The following FAM135A variants were observed in gnomAD, a reference collection of about 807,000 sequenced individuals.
FAM135A encodes the protein family with sequence similarity 135 member A.
Under a neutral mutation model 146.8 loss-of-function variants are expected in FAM135A, and 79 were observed. The ratio of observed to expected loss-of-function variants is 0.54; its 90% confidence interval spans 0.45 to 0.65. FAM135A has a LOEUF of 0.65. FAM135A is among the 30% of genes least tolerant of loss of function. The pLI, the probability that FAM135A is intolerant of heterozygous loss-of-function variation, is 0.00. For synonymous variants in FAM135A, 562 were observed against 603.6 expected, an observed-to-expected ratio of 0.93 and a Z score of 1.01; for missense variants, 1,623 against 1,758.2, an observed-to-expected ratio of 0.92 and a Z score of 1.38.
intron 19 of FAM135A, among the ~76,000 whole-genome samples, chr6:70,537,213 TG>T (rs1796956644): frequency 6.6e-6 from 1 of 152,070 alleles, no homozygotes. Context: ...GGATTACAGG[TG>T]TGAGCCACTG....
At chr6:70,443,142 A>C (rs536043532) in intron 4 of FAM135A, among the ~76,000 whole-genome samples, 1 of 152,216 alleles carries the variant, frequency 6.6e-6, no homozygotes, top group South Asian at 2.1e-4. Context: ...GGGTTGTGCC[A>C]TTTTTGATCT....
At chr6:70,487,083 CAAAAAAA>C (rs34560435) in intron 10 of FAM135A, among the ~76,000 whole-genome samples, 2 of 40,610 alleles carry the variant, frequency 4.9e-5, no homozygotes, top group South Asian at 2.9e-3. Context: ...ACTCCCATCT[CAAAAAAA>C]AAAAAAAAAA....
chr6:70,538,846 TTATATTA>T lies in FAM135A; in HGVS notation c.4228+449_4228+455del, dbSNP rs1159189439. 2.3e-4 allele frequency among the ~76,000 whole-genome samples: 33 copies of T among 145,302 alleles called. 1 individual carries two copies. The highest frequency in any genetic ancestry group is 8.5e-4 in the African/African-American group (33 of 38,712). ...TTATATTATATTATATTATATTATA[TTATATTA>T]TATTATATGGCTAGCAAGCATTTCT... On this transcript the variant is annotated intron_variant, in intron 20 of 21. Transcript: ENST00000418814.
In FAM135A at chr6:70,475,456, C is replaced by T. The variant is rs777773455; in HGVS notation, c.204C>T (p.Cys68=). ...CCTCAGTTCATGATTCTCTAATTTGCAGTAAAACATTTCAAATTTTGTACA... is the reference window on the plus strand; with the variant it reads ...CCTCAGTTCATGATTCTCTAATTTGTAGTAAAACATTTCAAATTTTGTACA... The part of the protein sequence containing the change: ...FPASVHDSLI[C]SKTFQILYKN... Residue 68 remains cysteine (C), a synonymous_variant, in exon 6 of 22, where the codon TGC becomes TGT. Coordinates refer to ENST00000418814, the MANE Select transcript of FAM135A (RefSeq NM_001162529.3). 6.2e-6 allele frequency: 10 copies of T among 1,604,416 alleles called. No individual in the cohort carries two copies. In the African/African-American group the frequency reaches 1.2e-4, roughly 19 times the overall value.
At chr6:70,449,619 T>G (rs960204330) in intron 4 of FAM135A, among the ~76,000 whole-genome samples, 1 of 150,734 alleles carries the variant, frequency 6.6e-6, no homozygotes, top group African/African-American at 2.5e-5. Flanking sequence ...TATTCTGTTG[T>G]ATATATATAT....
At chr6:70,505,090 A>G (rs894865694) in intron 12 of FAM135A, 1 of 141,776 alleles carries the variant, frequency 7.1e-6, no homozygotes, top group Non-Finnish European at 1.6e-5. Context: ...ATATATATAT[A>G]TGCATACATA....
At chr6:70,422,189 AC>A (rs1768998443) in intron 2 of FAM135A, among the ~76,000 whole-genome samples, 1 of 152,214 alleles carries the variant, frequency 6.6e-6, no homozygotes, top group Non-Finnish European at 1.5e-5. Context: ...AAGACTTCCA[AC>A]TACCTCTTGA....
intron 12 of FAM135A, among the ~76,000 whole-genome samples, chr6:70,505,700 AGTT>A: frequency 1.3e-5 from 2 of 151,944 alleles, no homozygotes; most frequent in Middle Eastern, 6.8e-3. Flanking sequence ...TCTAGTTTCT[AGTT>A]GTTTGTGCCT....
chr6:70,473,421 A>G (rs1015976024), intron 5 of FAM135A, among the ~76,000 whole-genome samples: 1 of 151,182 alleles, frequency 6.6e-6, no homozygotes, highest in African/African-American at 2.5e-5. Flanking sequence ...GCAAATTTAC[A>G]TGTCTTTATC....
chr6:70,464,891 C>G (rs1023179725), intron 5 of FAM135A, among the ~76,000 whole-genome samples: 6 of 132,014 alleles, frequency 4.5e-5, no homozygotes, highest in African/African-American at 1.7e-4. Flanking sequence ...ACCATGTTGG[C>G]CAGGCTGGTC....
rs781685127 is a variant in FAM135A, at chr6:70,524,091, G to A, written c.1228G>A (p.Glu410Lys). Residue 410 changes from glutamate to lysine, a missense_variant, in exon 14 of 22, where the codon GAA (glutamate) becomes AAA (lysine). Glu to Lys is a moderately conservative substitution (Grantham distance 56, BLOSUM62 1). Coordinates refer to ENST00000418814, the MANE Select transcript of FAM135A (RefSeq NM_001162529.3). Reference protein sequence around the residue: ...GDLNSLPIIFEDRYLDSVTED... With the variant: ...GDLNSLPIIFKDRYLDSVTED... ...TCTCAATTCATTACCTATAATCTTT[G>A]AAGATAGGTATTTAGATTCAGTTAC... The A allele has an allele frequency of 3.1e-6, 5 of 1,611,682 alleles. No individual in the cohort carries two copies. The African/African-American group carries it at 5.3e-5, about 17-fold the overall frequency.
At chr6:70,538,436 G>A in intron 20 of FAM135A, 35 bp downstream of exon 20, 1 of 1,213,458 alleles carries the variant, frequency 8.2e-7, no homozygotes, top group Non-Finnish European at 1.1e-6. Context: ...AAATATACAT[G>A]TGAAAACTTT....
intron 10 of FAM135A, among the ~76,000 whole-genome samples, chr6:70,487,044 C>CT (rs1784809125): frequency 7.7e-6 from 1 of 130,432 alleles, no homozygotes; most frequent in Non-Finnish European, 1.5e-5. Flanking sequence ...GATCGTGCCA[C>CT]TGCACTCCAG....
intron 5 of FAM135A, among the ~76,000 whole-genome samples, chr6:70,464,456 G>A (rs1582308860): frequency 6.6e-6 from 1 of 152,064 alleles, no homozygotes; most frequent in African/African-American, 2.4e-5. Flanking sequence ...AGATTAATGT[G>A]GTTTCTGACT....
intron 20 of FAM135A, among the ~76,000 whole-genome samples, chr6:70,541,109 T>G (rs184604019): frequency 6.6e-6 from 1 of 152,382 alleles, no homozygotes; most frequent in African/African-American, 2.4e-5. Flanking sequence ...GTTTTGGAAC[T>G]CATACCTTCT....
intron 5 of FAM135A, among the ~76,000 whole-genome samples, chr6:70,461,576 A>G (rs1779453965): frequency 6.6e-6 from 1 of 152,160 alleles, no homozygotes; most frequent in Non-Finnish European, 1.5e-5. Context: ...AAAATTTCAT[A>G]TTTTTCTGAA....
At chr6:70,471,609 A>G (rs760428799) in intron 5 of FAM135A, among the ~76,000 whole-genome samples, 21 of 151,814 alleles carry the variant, frequency 1.4e-4, no homozygotes, top group Non-Finnish European at 2.5e-4. Flanking sequence ...AAGAATACCT[A>G]GTGGATGCTG....
rs1313560468 is a variant in FAM135A, at chr6:70,525,493, A to G, written c.2409A>G (p.Leu803=). Residue 803 remains leucine, a synonymous_variant, in exon 15 of 22, where the codon TTA becomes TTG. Transcript: ENST00000418814. ...AAGGTCCTTGCAATAGTGAAAGATT[A>G]TTTCCTCAGCTTTTGATGAAACCTG... ...QGQGPCNSER[L]FPQLLMKPDY... The G allele has an allele frequency of 1.9e-6, 3 of 1,612,374 alleles. No homozygotes were observed. The highest frequency in any genetic ancestry group is 4.5e-5 in the East Asian group (2 of 44,840).
chr6:70,492,746 T>C (rs1786305060), intron 11 of FAM135A, among the ~76,000 whole-genome samples: 1 of 151,902 alleles, frequency 6.6e-6, no homozygotes, highest in Admixed American at 6.6e-5. Context: ...TACTCATTCT[T>C]ACTGGAAACC....
Sources: gnomAD v4.1 joint callset for allele counts (sites outside exome capture counted in the v4.1 genomes callset) on GRCh38, gnomAD v4.1.1 for gene constraint, MANE v1.5 for transcripts, NCBI Gene and HGNC (gene_info 2026-07-23, HGNC 2026-07-21) for gene names.